Variants in CTNNA3 observed in about 807,000 individuals in gnomAD.
The protein encoded by CTNNA3 is catenin alpha 3.
CTNNA3 carries 76 observed loss-of-function variants against 95.7 expected under a neutral mutation model. The observed-to-expected ratio is 0.79, with a 90% confidence interval of 0.66 to 0.96. CTNNA3 has a LOEUF of 0.96. CTNNA3 is among the 40% of genes least tolerant of loss of function. CTNNA3 has a pLI of 0.00. For synonymous variants in CTNNA3, 431 were observed against 374.4 expected (o/e 1.15, Z -1.74); for missense variants, 1,191 against 1,089.8 (o/e 1.09, Z -1.31).
chr10:65,976,888 T>C (rs1243022707), intron 16 of CTNNA3, among the ~76,000 whole-genome samples: 2 of 152,180 alleles, frequency 1.3e-5, no homozygotes, highest in Non-Finnish European at 2.9e-5. Context: ...ATCAGATCTA[T>C]GGTTTGCAAA....
At chr10:66,502,993 A>C (rs892997928) in intron 11 of CTNNA3, among the ~76,000 whole-genome samples, 1 of 152,128 alleles carries the variant, frequency 6.6e-6, no homozygotes, top group African/African-American at 2.4e-5. Context: ...AGCTCTTAAG[A>C]TAATTCTTCA....
At chr10:67,745,860 T>G (rs1237371181) in intron 1 of CTNNA3, among the ~76,000 whole-genome samples, 1 of 151,768 alleles carries the variant, frequency 6.6e-6, no homozygotes, top group Non-Finnish European at 1.5e-5. Flanking sequence ...AGAAATCAAT[T>G]GAACCAAGGA....
chr10:67,317,101 A>C (rs1448287170), intron 5 of CTNNA3, among the ~76,000 whole-genome samples: 1 of 152,196 alleles, frequency 6.6e-6, no homozygotes, highest in Non-Finnish European at 1.5e-5. Context: ...TTCTTTTGAA[A>C]GAAAAAATTA....
chr10:66,346,215 A>G (rs1426528939), intron 12 of CTNNA3, among the ~76,000 whole-genome samples: 4 of 96,050 alleles, frequency 4.2e-5, no homozygotes, highest in African/African-American at 1.7e-4. Flanking sequence ...GTGTGTGTAT[A>G]TATATATATA....
chr10:66,331,408 C>T (rs1199291634), intron 12 of CTNNA3, among the ~76,000 whole-genome samples: 1 of 120,620 alleles, frequency 8.3e-6, no homozygotes, highest in African/African-American at 3.2e-5. Flanking sequence ...GGCTGGAGTG[C>T]AGTGGCGCGA....
chr10:66,329,985 A>G (rs2092305014), intron 12 of CTNNA3, among the ~76,000 whole-genome samples: 1 of 152,110 alleles, frequency 6.6e-6, no homozygotes, highest in Admixed American at 6.5e-5. Context: ...GTTAAATGGG[A>G]CATGATTCCA....
At chr10:65,951,638 A>G (rs975752739) in intron 17 of CTNNA3, among the ~76,000 whole-genome samples, 6 of 151,236 alleles carry the variant, frequency 4.0e-5, no homozygotes, top group African/African-American at 1.5e-4. Context: ...CCTACCTCCC[A>G]CCCCTGTCAT....
intron 13 of CTNNA3, among the ~76,000 whole-genome samples, chr10:66,207,032 T>TAGC (rs1286820997): frequency 6.6e-6 from 1 of 151,944 alleles, no homozygotes; most frequent in African/African-American, 2.4e-5. Context: ...AGTTGCCATG[T>TAGC]AGCATCTCAG....
chr10:67,413,087 T>A (rs1380740558), intron 5 of CTNNA3, among the ~76,000 whole-genome samples: 1 of 152,034 alleles, frequency 6.6e-6, no homozygotes, highest in Non-Finnish European at 1.5e-5. Flanking sequence ...CAATCTGTTG[T>A]TTTCAAGAGA....
intron 7 of CTNNA3, among the ~76,000 whole-genome samples, chr10:66,854,815 T>G (rs1589337228): frequency 6.6e-6 from 1 of 151,440 alleles, no homozygotes; most frequent in East Asian, 1.9e-4. Context: ...AGACATAGCA[T>G]GAGAACACGA....
At chr10:67,042,103 CA>C (rs1854430879) in intron 7 of CTNNA3, among the ~76,000 whole-genome samples, 1 of 152,078 alleles carries the variant, frequency 6.6e-6, no homozygotes, top group Non-Finnish European at 1.5e-5. Flanking sequence ...TTTTAATAAA[CA>C]GGAGAAAACT....
chr10:66,998,356 C>G (rs1373730835), intron 7 of CTNNA3, among the ~76,000 whole-genome samples: 2 of 152,012 alleles, frequency 1.3e-5, no homozygotes, highest in Non-Finnish European at 2.9e-5. Flanking sequence ...TTTTAAAGCA[C>G]AAGAAGCATA....
At chr10:66,460,539 T>A (rs2093522388) in intron 11 of CTNNA3, among the ~76,000 whole-genome samples, 1 of 152,076 alleles carries the variant, frequency 6.6e-6, no homozygotes, top group Non-Finnish European at 1.5e-5. Flanking sequence ...CCCCCTGCCC[T>A]CCTACCCCTC....
intron 7 of CTNNA3, among the ~76,000 whole-genome samples, chr10:67,007,790 G>T (rs1032881796): frequency 1.1e-4 from 16 of 151,544 alleles, no homozygotes; most frequent in Admixed American, 8.6e-4. Context: ...TCAAAAAATT[G>T]TCAAGTAACT....
At chr10:66,607,077 A>T (rs1404882284) in intron 10 of CTNNA3, among the ~76,000 whole-genome samples, 1 of 152,100 alleles carries the variant, frequency 6.6e-6, no homozygotes, top group Admixed American at 6.6e-5. Context: ...AATAAACACA[A>T]TTAAAAATGA....
At chr10:67,302,764 G>A (rs895646317) in intron 5 of CTNNA3, among the ~76,000 whole-genome samples, 1 of 152,076 alleles carries the variant, frequency 6.6e-6, no homozygotes, top group African/African-American at 2.4e-5. Context: ...AACTAATTCC[G>A]GAATTTCATT....
intron 5 of CTNNA3, among the ~76,000 whole-genome samples, chr10:67,414,502 A>G (rs1044794940): frequency 6.6e-6 from 1 of 152,130 alleles, no homozygotes; most frequent in African/African-American, 2.4e-5. Context: ...TCTACCAGAC[A>G]TACAAACAAG....
intron 10 of CTNNA3, among the ~76,000 whole-genome samples, chr10:66,606,445 T>A (rs2132272233): frequency 6.6e-6 from 1 of 152,170 alleles, no homozygotes; most frequent in Middle Eastern, 3.4e-3. Flanking sequence ...AACTCTCCAC[T>A]AAAAGCAAGA....
At chr10:66,965,454 G>A (rs561719672) in intron 7 of CTNNA3, among the ~76,000 whole-genome samples, 41 of 151,144 alleles carry the variant, frequency 2.7e-4, no homozygotes, top group Middle Eastern at 3.4e-3. Flanking sequence ...GGAATCGCTT[G>A]AACTGGGGAG....
Sources: gnomAD v4.1 joint callset for allele counts (sites outside exome capture counted in the v4.1 genomes callset) on GRCh38, gnomAD v4.1.1 for gene constraint, MANE v1.5 for transcripts, NCBI Gene and HGNC (gene_info 2026-07-23, HGNC 2026-07-21) for gene names.